The following NEURL2 variants were observed in gnomAD, a reference collection of about 807,000 sequenced individuals.
NEURL2 encodes neuralized-like protein 2.
A neutral mutation model predicts 15.9 loss-of-function variants in NEURL2; 16 were observed. The ratio of observed to expected loss-of-function variants is 1.01; its 90% confidence interval spans 0.68 to 1.53. The LOEUF (loss-of-function observed/expected upper bound fraction) is 1.53. Ranked by LOEUF, NEURL2 falls within the 40% of genes most tolerant of loss-of-function variation. The probability of loss-of-function intolerance (pLI) is 0.00; values close to 1 mark genes in which losing one functional copy is unlikely to be tolerated. For synonymous variants in NEURL2, 188 were observed against 178.3 expected, an observed-to-expected ratio of 1.05 and a Z score of -0.43; for missense variants, 393 against 407.8, an observed-to-expected ratio of 0.96 and a Z score of 0.31.
rs967553598 is a variant in NEURL2 at position 45,888,843 on chromosome 20, A to T, written c.773T>A (p.Val258Glu). Residue 258 changes from valine (V) to glutamate (E), a missense_variant, in exon 2 of 2, where the codon GTG becomes GAG. Val to Glu is a moderately radical substitution (Grantham distance 121, BLOSUM62 -2). Coordinates refer to ENST00000372518, the MANE Select transcript of NEURL2 (RefSeq NM_080749.4). ...CCGGTGCACCATGCTCCTTTGTATC[A>T]CTAGGCGGCACAGAGTCTGCAGGGA... is the stretch of plus-strand genomic sequence containing the variant. ...LPSLQTLCRL[V>E]IQRSMVHRLA... is the part of the protein sequence containing the mutation. 6.2e-7 allele frequency: 1 copy of T among 1,613,876 alleles called. No individual in the cohort carries two copies. Among genetic ancestry groups the T allele is most frequent in the Non-Finnish European group, 8.5e-7 (1 of 1,179,850 alleles).
chr20:45,891,197 G>A lies in NEURL2; in HGVS notation c.-206C>T, dbSNP rs542744331. On this transcript the variant is annotated 5_prime_UTR_variant, in exon 1 of 2. Coordinates refer to ENST00000372518, the MANE Select transcript of NEURL2 (RefSeq NM_080749.4). This position sits in a 1 kb window ranked among gnomAD's most constrained non-coding sequence, Gnocchi z 4.6. The stretch of plus-strand genomic sequence containing the variant: ...GGATCATCTGATCGCGTGCGCCCGG[G>A]CTACGATCTGCGAGGCCCGCGGACC... The A allele has an allele frequency of 1.3e-4, 145 of 1,083,076 alleles. No individual in the cohort carries two copies. Among genetic ancestry groups the A allele is most frequent in the Non-Finnish European group, 1.9e-4 (139 of 730,972 alleles). 67.1% of individuals were successfully genotyped at this position (1,083,076 alleles called of 1,614,324 possible).
At chr20:45,890,048 C>T in intron 1 of NEURL2, 3 of 602,848 alleles carry the variant, frequency 5.0e-6, no homozygotes, top group Non-Finnish European at 8.8e-6. Flanking sequence ...GCATCTTAAT[C>T]AATCAACCAA....
chr20:45,890,273 C>A lies in NEURL2; in HGVS notation c.719G>T (p.Arg240Leu). The A allele has an allele frequency of 3.1e-6, 5 of 1,613,788 alleles. No individual in the cohort carries two copies. The highest frequency in any genetic ancestry group is 4.2e-6 in the Non-Finnish European group (5 of 1,180,032). Reference sequence around the variant, plus strand: ...ACAGCCATACTCGAGCTGGACAAGGCGCACGCTCTTTGTGGAAGCAAACAC... The same window carrying A: ...ACAGCCATACTCGAGCTGGACAAGGAGCACGCTCTTTGTGGAAGCAAACAC... ...VDVFASTKSV[R>L]LVQLEYGLPS... The change falls in exon 1 of 2, where the codon CGC becomes CTC. Residue 240 changes from arginine (R) to leucine (L), a missense_variant. By Grantham distance (102) the Arg-to-Leu change is moderately radical. Coordinates refer to ENST00000372518, the MANE Select transcript of NEURL2 (RefSeq NM_080749.4).
intron 1 of NEURL2, 26 bp downstream of exon 1, chr20:45,890,224 A>G (rs749904784): frequency 6.2e-7 from 1 of 1,613,656 alleles, no homozygotes; most frequent in African/African-American, 1.3e-5. Flanking sequence ...CTGAGCCAGG[A>G]GGGGTCGCTG....
chr20:45,890,609 G>C lies in NEURL2; in HGVS notation c.383C>G (p.Pro128Arg). The part of the protein sequence containing the change: ...HHNRVPREGR[P>R]EAEAAAPSRP... Reference sequence around the variant, plus strand: ...GCTGGGGGCCGCTGCCTCCGCCTCCGGGCGGCCCTCCCGGGGCACGCGGTT... The same window carrying C: ...GCTGGGGGCCGCTGCCTCCGCCTCCCGGCGGCCCTCCCGGGGCACGCGGTT... Residue 128 changes from proline to arginine, a missense_variant, in exon 1 of 2, where the codon CCG becomes CGG. Transcript: ENST00000372518. 1 of 1,612,730 alleles carries C rather than the reference G, an allele frequency of 6.2e-7. No individual in the cohort carries two copies. The highest frequency in any genetic ancestry group is 8.5e-7 in the Non-Finnish European group (1 of 1,179,498).
At position 45,890,952 on chromosome 20, in the gene NEURL2, A is replaced by G; in HGVS notation, c.40T>C (p.Trp14Arg). The stretch of plus-strand genomic sequence containing the variant: ...GGGGGCTCCGGGCGCTCGAGTCCCC[A>G]GAGTGCACCCGAATCCACGGGCTCG... Reference protein sequence around the residue: ...ASEPVDSGALWGLERPEPPPT... With the variant: ...ASEPVDSGALRGLERPEPPPT... The change falls in exon 1 of 2, where the codon TGG (tryptophan) becomes CGG (arginine). Residue 14 changes from tryptophan (W) to arginine (R), a missense_variant. By Grantham distance (101) the Trp-to-Arg change is moderately radical (BLOSUM62 -3). Transcript: ENST00000372518. 1 of 1,513,988 alleles carries G rather than the reference A, an allele frequency of 6.6e-7. No individual in the cohort carries two copies. The highest frequency in any genetic ancestry group is 8.8e-7 in the Non-Finnish European group (1 of 1,131,276). 93.8% of individuals were successfully genotyped at this position (1,513,988 alleles called of 1,614,324 possible).
rs1457088451 is a variant in NEURL2, at chr20:45,890,339, C to T, written c.653G>A (p.Arg218Gln). 3.7e-6 allele frequency: 6 copies of T among 1,612,956 alleles called. No individual in the cohort carries two copies. Among genetic ancestry groups the T allele is most frequent in the South Asian group, 1.1e-5 (1 of 91,086 alleles). ...GAGGGGCTGCGCAGCTGGCAGTCCCCGGGCGCTCGGGCCCATGTCCTCGCC... is the reference window on the plus strand; with the variant it reads ...GAGGGGCTGCGCAGCTGGCAGTCCCTGGGCGCTCGGGCCCATGTCCTCGCC... ...INGEDMGPSA[R>Q]GLPAAQPLYA... The change falls in exon 1 of 2, where the codon CGG becomes CAG. Residue 218 changes from arginine (R) to glutamine (Q), a missense_variant. Coordinates refer to ENST00000372518, the MANE Select transcript of NEURL2 (RefSeq NM_080749.4).
chr20:45,890,005 A>C lies in NEURL2; in HGVS notation c.742+245T>G, dbSNP rs191676385. On this transcript the variant is annotated intron_variant, in intron 1 of 1. Coordinates refer to ENST00000372518, the MANE Select transcript of NEURL2 (RefSeq NM_080749.4). ...AATCCCTGCCCTAGGTGAATACAGG[A>C]AACACTATCAAAACTAAAAGGGAAC... is the stretch of plus-strand genomic sequence containing the variant. 8.7e-6 allele frequency: 5 copies of C among 575,322 alleles called. No individual in the cohort carries two copies. In the East Asian group the frequency reaches 1.5e-4, roughly 17 times the overall value. The allele number at this position is 575,322 out of a possible 1,614,324, so 35.6% of individuals were successfully genotyped here. A position where few individuals can be genotyped will look rare whatever the true frequency, so the allele number is the denominator to read the frequency against.
rs1031476739 is a variant in NEURL2, at chr20:45,890,500, C to A, written c.492G>T (p.Arg164=). 5 of 1,597,610 alleles carry A rather than the reference C, an allele frequency of 3.1e-6. No homozygotes were observed. Among genetic ancestry groups the A allele is most frequent in the South Asian group, 1.1e-5 (1 of 88,754 alleles). ...IPRDRLVGRS[R]PGLYSHLLDQ... ...CCAAGAGATGGCTGTAGAGCCCTGG[C>A]CGGCTGCGGCCCACCAGGCGGTCCC... is the stretch of plus-strand genomic sequence containing the variant. The change falls in exon 1 of 2, where the codon CGG becomes CGT. Residue 164 remains arginine (R), a synonymous_variant. Transcript: ENST00000372518.
intron 1 of NEURL2, among the ~76,000 whole-genome samples, chr20:45,889,908 C>T (rs948755867): frequency 5.3e-5 from 8 of 152,178 alleles, no homozygotes; most frequent in African/African-American, 1.9e-4. Context: ...GCCACTGTGC[C>T]CGGCCAAGCA....
At chr20:45,888,986 T>TA in intron 1 of NEURL2, 113 bp from the exon 2 acceptor site, 2 of 1,241,986 alleles carry the variant, frequency 1.6e-6, no homozygotes, top group Non-Finnish European at 2.2e-6. Context: ...GGCAAGTCCT[T>TA]ACTGCTCTCT....
Position 45,891,069 on chromosome 20 carries a change from C to A in NEURL2, c.-78G>T. The A allele has an allele frequency of 1.4e-6, 2 of 1,381,088 alleles. No individual in the cohort carries two copies. Among genetic ancestry groups the A allele is most frequent in the Non-Finnish European group, 1.9e-6 (2 of 1,042,220 alleles). 85.6% of individuals were successfully genotyped at this position (1,381,088 alleles called of 1,614,324 possible). A position where few individuals can be genotyped will look rare whatever the true frequency, so the allele number is the denominator to read the frequency against. The stretch of plus-strand genomic sequence containing the variant: ...GCAATGATGGTGACCGCAAGGCGAC[C>A]TTGTAAGGCATTTCCCCCCTGACTC... On this transcript the variant is annotated 5_prime_UTR_variant, in exon 1 of 2. In the 5' UTR this introduces an upstream ATG that the reference lacks. Transcript: ENST00000372518. This position sits in a 1 kb window ranked among gnomAD's most constrained non-coding sequence, Gnocchi z 4.6.
chr20:45,888,876 G>A lies in NEURL2; in HGVS notation c.743-3C>T, dbSNP rs1986592348. ...GCACAGAGTCTGCAGGGATGGCACT[G>A]TGGGAAGAAGACTGTGAAAGGCAAA... On this transcript the variant is annotated splice_region_variant and splice_polypyrimidine_tract_variant and intron_variant, in intron 1 of 1. Coordinates refer to ENST00000372518, the MANE Select transcript of NEURL2 (RefSeq NM_080749.4). The A allele has an allele frequency of 6.2e-7, 1 of 1,614,110 alleles. No individual in the cohort carries two copies. The highest frequency in any genetic ancestry group is 8.5e-7 in the Non-Finnish European group (1 of 1,179,976).
chr20:45,891,187 G>T lies in NEURL2; in HGVS notation c.-196C>A, dbSNP rs1479614703. 9.5e-6 allele frequency: 10 copies of T among 1,047,886 alleles called. No individual in the cohort carries two copies. Among genetic ancestry groups the T allele is most frequent in the Non-Finnish European group, 1.4e-5 (10 of 703,708 alleles). The allele number at this position is 1,047,886 out of a possible 1,614,324, so 64.9% of individuals were successfully genotyped here. A position where few individuals can be genotyped will look rare whatever the true frequency, so the allele number is the denominator to read the frequency against. The stretch of plus-strand genomic sequence containing the variant: ...GTCCACAACAGGATCATCTGATCGC[G>T]TGCGCCCGGGCTACGATCTGCGAGG... On this transcript the variant is annotated 5_prime_UTR_variant, in exon 1 of 2. Transcript: ENST00000372518. This position sits in a 1 kb window ranked among gnomAD's most constrained non-coding sequence, Gnocchi z 4.6.
Position 45,890,883 on chromosome 20 carries a change from C to G in NEURL2, c.109G>C (p.Asp37His), listed in dbSNP as rs1007752268. Reference sequence around the variant, plus strand: ...CGTGTGGCCCGCGTCCCAGAGGGGTCCACGCGGATGTTGGCACCGTGCACC... The same window carrying G: ...CGTGTGGCCCGCGTCCCAGAGGGGTGCACGCGGATGTTGGCACCGTGCACC... The part of the protein sequence containing the change: ...HRVHGANIRV[D>H]PSGTRATRVE... Residue 37 changes from aspartate to histidine, a missense_variant, in exon 1 of 2, where the codon GAC (aspartate) becomes CAC (histidine). Transcript: ENST00000372518. The G allele has an allele frequency of 6.4e-7, 1 of 1,567,734 alleles. No homozygotes were observed.
Position 45,888,691 on chromosome 20 carries a change from C to G in NEURL2, c.*67G>C, listed in dbSNP as rs1601131834. 1 of 1,549,560 alleles carries G rather than the reference C, an allele frequency of 6.5e-7. No individual in the cohort carries two copies. ...TCTTGGCTGGCAGCAATGTGGCCAA[C>G]TTCGGACCAGCCAGCCACAGGTCTG... On this transcript the variant is annotated 3_prime_UTR_variant, in exon 2 of 2. Transcript: ENST00000372518.
At chr20:45,889,220 GAGGT>G (rs1361973637) in intron 1 of NEURL2, among the ~76,000 whole-genome samples, 1 of 152,216 alleles carries the variant, frequency 6.6e-6, no homozygotes, top group Non-Finnish European at 1.5e-5. Flanking sequence ...AATGTGATGA[GAGGT>G]ATAACTGCAA....
Position 45,890,940 on chromosome 20 carries a change from G to T in NEURL2, c.52C>A (p.Arg18Ser). 1.3e-6 allele frequency: 2 copies of T among 1,522,610 alleles called. No homozygotes were observed. Among genetic ancestry groups the T allele is most frequent in the Non-Finnish European group, 1.8e-6 (2 of 1,134,526 alleles). The allele number at this position is 1,522,610 out of a possible 1,614,324, so 94.3% of individuals were successfully genotyped here. A position where few individuals can be genotyped will look rare whatever the true frequency, so the allele number is the denominator to read the frequency against. ...VDSGALWGLE[R>S]PEPPPTRFHR... ...AAGCGGGTGGGAGGGGGCTCCGGGC[G>T]CTCGAGTCCCCAGAGTGCACCCGAA... The change falls in exon 1 of 2, where the codon CGC becomes AGC. Residue 18 changes from arginine (R) to serine (S), a missense_variant. Coordinates refer to ENST00000372518, the MANE Select transcript of NEURL2 (RefSeq NM_080749.4).
chr20:45,890,794 G>A lies in NEURL2; in HGVS notation c.198C>T (p.Phe66=), dbSNP rs771112403. The A allele has an allele frequency of 6.2e-7, 1 of 1,602,840 alleles. No homozygotes were observed. The highest frequency in any genetic ancestry group is 1.1e-5 in the South Asian group (1 of 90,196). Reference sequence around the variant, plus strand: ...GCTCTTTCTCCTCGATCTCGACCAGGAAGACCTGGCCCGGGGCCAGCGGCT... The same window carrying A: ...GCTCTTTCTCCTCGATCTCGACCAGAAAGACCTGGCCCGGGGCCAGCGGCT... The part of the protein sequence containing the change: ...SREPLAPGQV[F]LVEIEEKELG... The change falls in exon 1 of 2, where the codon TTC becomes TTT. Residue 66 remains phenylalanine, a synonymous_variant. Coordinates refer to ENST00000372518, the MANE Select transcript of NEURL2 (RefSeq NM_080749.4).
Sources: allele counts gnomAD v4.1 joint callset (sites outside exome capture counted in the v4.1 genomes callset), GRCh38; gene constraint gnomAD v4.1.1; non-coding constraint Gnocchi (gnomAD v3.1); transcripts MANE v1.5; gene names NCBI Gene and HGNC (gene_info 2026-07-23, HGNC 2026-07-21).